The following ST7 variants were observed in gnomAD, a reference collection of about 807,000 sequenced individuals.
ST7 encodes the protein suppressor of tumorigenicity 7 protein.
Under a neutral mutation model 78.7 loss-of-function variants are expected in ST7, and 28 were observed. The ratio of observed to expected loss-of-function variants is 0.36; its 90% CI spans 0.26 to 0.49. The LOEUF (loss-of-function observed/expected upper bound fraction) is 0.49, where lower values mean the gene tolerates loss of function less well. Among genes scored for constraint, ST7 ranks in the 20% least tolerant of loss-of-function variants. The pLI, the probability that ST7 is intolerant of heterozygous loss-of-function variation, is 0.99. For missense variants in ST7, 418 were observed against 696.0 expected, an observed-to-expected ratio of 0.60 and a Z score of 4.49; for synonymous variants, 247 against 249.6, an observed-to-expected ratio of 0.99 and a Z score of 0.10.
At chr7:117,161,591 C>CTT (rs60505994) in intron 9 of ST7, among the ~76,000 whole-genome samples, 14,448 of 113,700 alleles carry the variant, frequency 0.13, 1,164 homozygotes, top group Non-Finnish European at 0.16. Context: ...TTCTTTCTTT[C>CTT]TTTTTTTTTT....
chr7:117,085,851 A>T (rs947375643), intron 1 of ST7, among the ~76,000 whole-genome samples: 2 of 152,228 alleles, frequency 1.3e-5, no homozygotes, highest in African/African-American at 4.8e-5. Context: ...TAACGTACTT[A>T]CTAAGAGCTT....
chr7:117,009,784 G>A (rs10251922), intron 1 of ST7, among the ~76,000 whole-genome samples: 149,634 of 152,180 alleles, frequency 0.98, 73,623 homozygotes, highest in East Asian at 1. Flanking sequence ...AGACCACACA[G>A]CACCTCTTAT....
chr7:117,180,503 G>A (rs1195496266), intron 10 of ST7, among the ~76,000 whole-genome samples: 3 of 152,080 alleles, frequency 2.0e-5, no homozygotes, highest in Admixed American at 6.6e-5. Context: ...AATTCTTACC[G>A]AAAAGGAAGA....
In ST7 at chr7:117,119,546, A is replaced by G. The variant is rs1803193974; in HGVS notation, c.235-15A>G. ...GATAACAGTGACCATAAACACGCTTATTTTTCTGTTCTAGATATTTGAATG... is the reference window on the plus strand; with the variant it reads ...GATAACAGTGACCATAAACACGCTTGTTTTTCTGTTCTAGATATTTGAATG... On this transcript the variant is annotated splice_polypyrimidine_tract_variant and intron_variant, in intron 2 of 15. Transcript: ENST00000323984. 2 of 1,604,150 alleles carry G rather than the reference A, an allele frequency of 1.2e-6. No homozygotes were observed. The highest frequency in any genetic ancestry group is 1.7e-6 in the Non-Finnish European group (2 of 1,176,966).
intron 10 of ST7, among the ~76,000 whole-genome samples, chr7:117,177,697 C>G (rs893984832): frequency 1.3e-5 from 2 of 152,200 alleles, no homozygotes; most frequent in Admixed American, 6.5e-5. Context: ...TCCCAAGTGG[C>G]ACATCTTTTT....
intron 14 of ST7, among the ~76,000 whole-genome samples, chr7:117,221,288 G>C (rs577488989): frequency 6.6e-6 from 1 of 152,246 alleles, no homozygotes; most frequent in Admixed American, 6.5e-5. Flanking sequence ...GTCATCAAGA[G>C]TCTCTTACAA....
intron 9 of ST7, among the ~76,000 whole-genome samples, chr7:117,164,559 C>T (rs189260637): frequency 1.6e-4 from 24 of 152,134 alleles, no homozygotes. Context: ...CAAATTCACA[C>T]AGGTAGTTAA....
intron 1 of ST7, among the ~76,000 whole-genome samples, chr7:116,990,207 A>T (rs1470274293): frequency 6.6e-6 from 1 of 152,188 alleles, no homozygotes; most frequent in Non-Finnish European, 1.5e-5. Flanking sequence ...AAGTGCTGAG[A>T]TTACAGGTGT....
At chr7:117,220,177 T>C (rs1792983621) in intron 14 of ST7, among the ~76,000 whole-genome samples, 1 of 152,184 alleles carries the variant, frequency 6.6e-6, no homozygotes, top group Non-Finnish European at 1.5e-5. Context: ...ATCAAGCCAG[T>C]CATGAATCTC....
At chr7:117,097,714 T>C (rs1801161202) in intron 1 of ST7, among the ~76,000 whole-genome samples, 2 of 150,508 alleles carry the variant, frequency 1.3e-5, no homozygotes, top group African/African-American at 4.9e-5. Flanking sequence ...CTGAATCATA[T>C]TGGCAGTTAT....
intron 9 of ST7, among the ~76,000 whole-genome samples, chr7:117,139,096 G>A (rs568515412): frequency 2.6e-5 from 4 of 152,124 alleles, no homozygotes; most frequent in Admixed American, 2.6e-4. Flanking sequence ...AAAGAAGAGA[G>A]CAAATAGGTG....
chr7:117,189,252 G>GT, intron 10 of ST7, 69 bp from the exon 11 acceptor site: 1 of 1,015,918 alleles, frequency 9.8e-7, no homozygotes, highest in Non-Finnish European at 1.5e-6. Context: ...TAAAATGCTA[G>GT]TGTATTGAAA....
chr7:117,138,683 A>T lies in ST7; in HGVS notation c.963+151A>T, dbSNP rs532598649. On this transcript the variant is annotated intron_variant, in intron 9 of 15. Transcript: ENST00000323984. Reference sequence around the variant, plus strand: ...TCAACTCTAGTTCCCAATTTACTAGATGAATGATGTATGTTGGGCAAGTTA... The same window carrying T: ...TCAACTCTAGTTCCCAATTTACTAGTTGAATGATGTATGTTGGGCAAGTTA... 47 of 536,372 alleles carry T rather than the reference A, an allele frequency of 8.8e-5. 1 individual carries two copies. Among genetic ancestry groups the T allele is most frequent in the African/African-American group, 8.7e-4 (45 of 51,798 alleles). The allele number at this position is 536,372 out of a possible 1,614,324, so 33.2% of individuals were successfully genotyped here.
At chr7:117,000,203 T>G (rs180700724) in intron 1 of ST7, among the ~76,000 whole-genome samples, 117 of 152,322 alleles carry the variant, frequency 7.7e-4, no homozygotes, top group African/African-American at 2.7e-3. Context: ...TGAAGAATTC[T>G]GTCTTTGCTG....
At chr7:117,175,791 C>A (rs543333950) in intron 10 of ST7, among the ~76,000 whole-genome samples, 1 of 152,112 alleles carries the variant, frequency 6.6e-6, no homozygotes, top group African/African-American at 2.4e-5. Context: ...AGATATTATT[C>A]GCTATTATAA....
chr7:117,011,156 ATG>A (rs922094067), intron 1 of ST7, among the ~76,000 whole-genome samples: 1 of 151,264 alleles, frequency 6.6e-6, no homozygotes, highest in Admixed American at 6.6e-5. Flanking sequence ...GTGTGTGTTA[ATG>A]TGTGTGTGTG....
intron 1 of ST7, among the ~76,000 whole-genome samples, chr7:117,053,394 G>C (rs1356796068): frequency 6.6e-6 from 1 of 152,196 alleles, no homozygotes; most frequent in Non-Finnish European, 1.5e-5. Flanking sequence ...TCTTGTTAGG[G>C]AAGTCAGCTC....
intron 1 of ST7, among the ~76,000 whole-genome samples, chr7:116,969,647 A>C (rs756811689): frequency 1.4e-4 from 22 of 152,244 alleles, no homozygotes; most frequent in Admixed American, 4.6e-4. Flanking sequence ...GTGGAAATAA[A>C]TGAGGACCAT....
At chr7:116,966,243 C>CTT in intron 1 of ST7, 5 of 178,084 alleles carry the variant, frequency 2.8e-5, no homozygotes, top group South Asian at 8.4e-5. Context: ...TTTCTTTTTT[C>CTT]TTTCTTTTTT....
Sources: allele counts gnomAD v4.1 joint callset (sites outside exome capture counted in the v4.1 genomes callset), GRCh38; gene constraint gnomAD v4.1.1; transcripts MANE v1.5; gene names NCBI Gene and HGNC (gene_info 2026-07-23, HGNC 2026-07-21).